The following SYNPR variants were observed in gnomAD, a reference collection of about 807,000 sequenced individuals.
SYNPR encodes the protein synaptoporin.
A neutral mutation model predicts 32.9 loss-of-function variants in SYNPR; 23 were observed. That is an observed-to-expected ratio of 0.70 (90% CI 0.50 to 0.99). The LOEUF (loss-of-function observed/expected upper bound fraction) is 0.99, where lower values mean the gene tolerates loss of function less well. Among genes scored for constraint, SYNPR ranks in the 50% least tolerant of loss-of-function variants. The pLI, the probability that SYNPR is intolerant of heterozygous loss-of-function variation, is 0.00. For missense variants in SYNPR, 318 were observed against 349.3 expected, an observed-to-expected ratio of 0.91 and a Z score of 0.71; for synonymous variants, 146 against 135.9, an observed-to-expected ratio of 1.07 and a Z score of -0.52.
rs760888895 is a variant in SYNPR, at chr3:63,343,314, T to C, written c.84+64572T>C. 5.3e-4 allele frequency among the ~76,000 whole-genome samples: 80 copies of C among 152,184 alleles called. 2 individuals carry two copies. Among genetic ancestry groups the C allele is most frequent in the Non-Finnish European group, 3.7e-4 (25 of 68,024 alleles). ...TGCACAGATTTATATTTATAAAAGA[T>C]CACTGTGGCTGCTGTATGGACAATG... On this transcript the variant is annotated intron_variant, in intron 2 of 5. Coordinates refer to ENST00000478300, the MANE Select transcript of SYNPR (RefSeq NM_001130003.2).
intron 2 of SYNPR, among the ~76,000 whole-genome samples, chr3:63,303,636 T>G (rs1321414700): frequency 1.3e-5 from 2 of 152,042 alleles, no homozygotes; most frequent in Non-Finnish European, 2.9e-5. Context: ...AGACAGATAT[T>G]TGTAACTATT....
At chr3:63,578,950 A>G (rs1703041048) in intron 4 of SYNPR, among the ~76,000 whole-genome samples, 1 of 152,030 alleles carries the variant, frequency 6.6e-6, no homozygotes. Context: ...GGTGTTTCCT[A>G]TGACACTTCC....
intron 4 of SYNPR, among the ~76,000 whole-genome samples, chr3:63,591,700 G>A (rs1287458428): frequency 1.4e-4 from 18 of 128,766 alleles, no homozygotes; most frequent in Admixed American, 4.8e-4. Context: ...GTAAACTATC[G>A]CAAGAACAAA....
the SYNPR span, chr3:63,203,068 G>GTGTATATATATATA: frequency 1.5e-3 from 164 of 108,488 alleles, no homozygotes; most frequent in African/African-American, 5.1e-3. Flanking sequence ...ATATGTATGT[G>GTGTATATATATATA]TATATATATA....
intron 2 of SYNPR, among the ~76,000 whole-genome samples, chr3:63,367,942 G>C (rs1049377951): frequency 6.6e-6 from 1 of 152,180 alleles, no homozygotes; most frequent in Non-Finnish European, 1.5e-5. Flanking sequence ...ATTCTACAGA[G>C]ATTGGGTGGT....
At chr3:63,548,526 C>T (rs1702450626) in intron 3 of SYNPR, among the ~76,000 whole-genome samples, 1 of 152,116 alleles carries the variant, frequency 6.6e-6, no homozygotes, top group Admixed American at 6.5e-5. Flanking sequence ...ACACTTATTA[C>T]ACACATACAC....
At chr3:63,510,979 G>T (rs1170271716) in intron 3 of SYNPR, among the ~76,000 whole-genome samples, 1 of 131,990 alleles carries the variant, frequency 7.6e-6, no homozygotes, top group Non-Finnish European at 1.8e-5. Context: ...TGCAAATGTG[G>T]TCTCCTGCAT....
chr3:63,234,676 G>A (rs943587973), intron 1 of SYNPR, among the ~76,000 whole-genome samples: 2 of 152,138 alleles, frequency 1.3e-5, no homozygotes, highest in African/African-American at 4.8e-5. Flanking sequence ...GCTCCAAAAT[G>A]TATTTTTCAA....
At chr3:63,612,653 T>C (rs904986206) in intron 5 of SYNPR, among the ~76,000 whole-genome samples, 4 of 152,218 alleles carry the variant, frequency 2.6e-5, no homozygotes, top group Non-Finnish European at 5.9e-5. Flanking sequence ...CCAAGAGATC[T>C]GTGATGCTAG....
At chr3:63,429,478 C>T (rs1305682133) in intron 2 of SYNPR, among the ~76,000 whole-genome samples, 2 of 152,178 alleles carry the variant, frequency 1.3e-5, no homozygotes, top group East Asian at 3.9e-4. Context: ...ACATTTTAGC[C>T]ATCTTTGGAA....
chr3:63,300,261 A>G (rs1290339952), intron 2 of SYNPR, among the ~76,000 whole-genome samples: 2 of 152,034 alleles, frequency 1.3e-5, no homozygotes, highest in African/African-American at 2.4e-5. Flanking sequence ...AAAATTTATT[A>G]CTCAGGGTCC....
intron 2 of SYNPR, among the ~76,000 whole-genome samples, chr3:63,395,224 T>C (rs1275644027): frequency 6.6e-6 from 1 of 152,222 alleles, no homozygotes; most frequent in Non-Finnish European, 1.5e-5. Flanking sequence ...CAAAAGGTTA[T>C]TGGAAATAAT....
chr3:63,274,678 C>T (rs1246799860), upstream of SYNPR, among the ~76,000 whole-genome samples: 1 of 152,170 alleles, frequency 6.6e-6, no homozygotes, highest in Non-Finnish European at 1.5e-5. Flanking sequence ...GCACAATAGG[C>T]ACTCAGCCCT....
intron 1 of SYNPR, among the ~76,000 whole-genome samples, chr3:63,246,426 C>A (rs975709490): frequency 3.3e-5 from 5 of 152,102 alleles, no homozygotes; most frequent in Non-Finnish European, 7.4e-5. Context: ...AGGCACTCTT[C>A]TGGCACTGGA....
intron 3 of SYNPR, among the ~76,000 whole-genome samples, chr3:63,486,295 G>C (rs1028080927): frequency 2.6e-5 from 4 of 152,278 alleles, no homozygotes; most frequent in African/African-American, 9.6e-5. Flanking sequence ...ATGCTGGGGA[G>C]TAATGTCTCC....
At chr3:63,574,702 T>A (rs1702948544) in intron 4 of SYNPR, among the ~76,000 whole-genome samples, 1 of 152,128 alleles carries the variant, frequency 6.6e-6, no homozygotes, top group African/African-American at 2.4e-5. Flanking sequence ...AGAGATCTTA[T>A]CTTATTCTTC....
At chr3:63,514,428 C>A (rs1267664024) in intron 3 of SYNPR, among the ~76,000 whole-genome samples, 1 of 152,168 alleles carries the variant, frequency 6.6e-6, no homozygotes, top group African/African-American at 2.4e-5. Context: ...CCTGTTGTCC[C>A]TGCTGGATCA....
chr3:63,320,505 G>A (rs2087100238), intron 2 of SYNPR, among the ~76,000 whole-genome samples: 1 of 152,032 alleles, frequency 6.6e-6, no homozygotes, highest in Admixed American at 6.6e-5. Context: ...TAAAAAGCCT[G>A]ATATTGAGAT....
At chr3:63,422,779 C>T (rs941029163) in intron 2 of SYNPR, among the ~76,000 whole-genome samples, 1 of 151,774 alleles carries the variant, frequency 6.6e-6, no homozygotes, top group South Asian at 2.1e-4. Context: ...ATTTTTAATA[C>T]CCCCAAATTT....
Sources: allele counts gnomAD v4.1 joint callset (sites outside exome capture counted in the v4.1 genomes callset), GRCh38; gene constraint gnomAD v4.1.1; transcripts MANE v1.5; gene names NCBI Gene and HGNC (gene_info 2026-07-23, HGNC 2026-07-21).